HAPSTR1: variants seen among roughly 807,000 people sequenced by gnomAD.
HAPSTR1 encodes HUWE1 associated protein modifying stress responses.
chr16:9,116,039 C>A, the HAPSTR1 span, among the ~76,000 whole-genome samples: 1 of 152,242 alleles, frequency 6.6e-6, no homozygotes, highest in South Asian at 2.1e-4. Flanking sequence ...CTACCAAATA[C>A]ATTCCAGACC....
At chr16:9,107,837 C>T in the HAPSTR1 span, 3 of 152,054 alleles carry the variant, frequency 2.0e-5, no homozygotes, top group African/African-American at 4.8e-5. Flanking sequence ...CCATTCTCCT[C>T]GGGACACATA....
chr16:9,118,302 C>G, the HAPSTR1 span: 2 of 152,518 alleles, frequency 1.3e-5, no homozygotes, highest in South Asian at 2.1e-4. Flanking sequence ...TATTTTTATC[C>G]TTAAAAGACC....
chr16:9,107,316 G>C, the HAPSTR1 span: 2 of 152,208 alleles, frequency 1.3e-5, no homozygotes, highest in African/African-American at 4.8e-5. Flanking sequence ...TTTCTGTTGA[G>C]GCAAAATATG....
the HAPSTR1 span, chr16:9,116,965 A>G: frequency 6.3e-7 from 1 of 1,598,304 alleles, no homozygotes; most frequent in Non-Finnish European, 8.5e-7. Context: ...TTGATCCTCA[A>G]CATATACTAT....
chr16:9,115,524 G>A, the HAPSTR1 span, among the ~76,000 whole-genome samples: 3 of 152,212 alleles, frequency 2.0e-5, no homozygotes, highest in African/African-American at 7.2e-5. Context: ...TATCCTGAAT[G>A]TTTAGGAGTG....
chr16:9,094,400 A>G, the HAPSTR1 span, among the ~76,000 whole-genome samples: 11 of 152,168 alleles, frequency 7.2e-5, no homozygotes, highest in Non-Finnish European at 1.5e-4. Context: ...CAAAAACAGA[A>G]TTTTGAAATA....
the HAPSTR1 span, chr16:9,092,395 T>G: frequency 1.2e-4 from 90 of 778,788 alleles, no homozygotes; most frequent in Non-Finnish European, 1.1e-4. Context: ...TCCCGGCCGG[T>G]GGCTCCGCGG....
the HAPSTR1 span, chr16:9,092,164 C>T: frequency 8.9e-6 from 14 of 1,569,216 alleles, no homozygotes; most frequent in East Asian, 9.3e-5. Flanking sequence ...AGCTGCCCCC[C>T]GAGCTGCAGG....
chr16:9,095,386 T>C, the HAPSTR1 span, among the ~76,000 whole-genome samples: 1 of 152,186 alleles, frequency 6.6e-6, no homozygotes, highest in Non-Finnish European at 1.5e-5. Context: ...CAGCAGTAAG[T>C]AGTACTAAAT....
the HAPSTR1 span, chr16:9,091,972 G>T: frequency 2.4e-6 from 3 of 1,271,424 alleles, no homozygotes; most frequent in Middle Eastern, 2.9e-4. Context: ...GCTTGACGAC[G>T]ACGCTCCCGC....
the HAPSTR1 span, chr16:9,119,567 T>G: frequency 1.7e-4 from 26 of 152,360 alleles, no homozygotes; most frequent in South Asian, 5.2e-3. Flanking sequence ...TGTTTAATAT[T>G]TTTTAGAGCA....
the HAPSTR1 span, chr16:9,103,040 C>T: frequency 6.2e-7 from 1 of 1,614,096 alleles, no homozygotes; most frequent in Non-Finnish European, 8.5e-7. Flanking sequence ...TGGCTATCAG[C>T]GACGCAATAA....
the HAPSTR1 span, chr16:9,112,365 C>T: frequency 6.6e-6 from 1 of 152,214 alleles, no homozygotes; most frequent in Admixed American, 6.5e-5. Flanking sequence ...GTTGTGATTT[C>T]AAATCCCATT....
the HAPSTR1 span, among the ~76,000 whole-genome samples, chr16:9,097,263 G>T: frequency 1.4e-5 from 2 of 141,034 alleles, no homozygotes; most frequent in South Asian, 4.4e-4. Context: ...TTTCTTTTGA[G>T]ACAGGGTCTC....
chr16:9,096,727 A>T, the HAPSTR1 span, among the ~76,000 whole-genome samples: 2 of 152,094 alleles, frequency 1.3e-5, no homozygotes, highest in Non-Finnish European at 2.9e-5. Flanking sequence ...ACAGTGAGAA[A>T]CCCTAAGCAT....
At chr16:9,116,516 A>C in the HAPSTR1 span, 10 of 946,622 alleles carry the variant, frequency 1.1e-5, no homozygotes, top group African/African-American at 1.6e-4. Flanking sequence ...TGATATGTTT[A>C]TCCAGAATAA....
chr16:9,120,801 C>G, the HAPSTR1 span: 1 of 151,542 alleles, frequency 6.6e-6, no homozygotes, highest in Non-Finnish European at 1.5e-5. Context: ...CCTCAGCCTC[C>G]CGAGTAGCTG....
the HAPSTR1 span, chr16:9,118,678 A>G: frequency 6.6e-6 from 1 of 152,344 alleles, no homozygotes; most frequent in African/African-American, 2.4e-5. Context: ...TGTATTATGA[A>G]TACTTTCAAG....
chr16:9,106,202 A>C, the HAPSTR1 span: 1 of 152,018 alleles, frequency 6.6e-6, no homozygotes, highest in African/African-American at 2.4e-5. Flanking sequence ...TGAGGTCAGG[A>C]GTTTGAGACC....
Sources: gnomAD v4.1 joint callset for allele counts (sites outside exome capture counted in the v4.1 genomes callset) on GRCh38, gnomAD v4.1.1 for gene constraint, MANE v1.5 for transcripts, NCBI Gene and HGNC (gene_info 2026-07-23, HGNC 2026-07-21) for gene names.